The following PTPRE variants were observed in gnomAD, a reference collection of about 807,000 sequenced individuals.
The protein encoded by PTPRE is protein tyrosine phosphatase receptor type E, also known as receptor-type tyrosine-protein phosphatase epsilon.
PTPRE carries 51 observed loss-of-function variants against 102.0 expected under a neutral mutation model. The observed-to-expected ratio is 0.50, with a 90% confidence interval of 0.40 to 0.63. PTPRE has a LOEUF of 0.63. Ranked by LOEUF, PTPRE falls within the 30% of genes least tolerant of loss-of-function variation. The pLI, the probability that PTPRE is intolerant of heterozygous loss-of-function variation, is 0.00. For missense variants in PTPRE, 752 were observed against 915.1 expected (o/e 0.82, Z 2.30); for synonymous variants, 345 against 348.2 (o/e 0.99, Z 0.10).
intron 3 of PTPRE, among the ~76,000 whole-genome samples, chr10:128,047,037 C>G (rs1037338310): frequency 1.3e-5 from 2 of 152,224 alleles, no homozygotes; most frequent in Non-Finnish European, 2.9e-5. Flanking sequence ...CCCGCGCTGT[C>G]CTAGGACCCT....
rs145145334 is a variant in PTPRE, at chr10:127,914,057, G to A, written c.-31+6748G>A. ...GGGCAGGTACCTCATGATTACTAGCGCCATCCCTTTAGTGATGAGTGAGTT... is the reference window on the plus strand; with the variant it reads ...GGGCAGGTACCTCATGATTACTAGCACCATCCCTTTAGTGATGAGTGAGTT... On this transcript the variant is annotated intron_variant, in intron 1 of 20. Coordinates refer to ENST00000254667, the MANE Select transcript of PTPRE (RefSeq NM_006504.6). Among the ~76,000 whole-genome samples, 22 of 152,234 alleles carry A rather than the reference G, an allele frequency of 1.4e-4. No homozygotes were observed. In the East Asian group the frequency reaches 2.5e-3, roughly 17 times the overall value.
intron 1 of PTPRE, among the ~76,000 whole-genome samples, chr10:127,936,855 T>C (rs763296479): frequency 6.6e-6 from 1 of 152,100 alleles, no homozygotes; most frequent in Admixed American, 6.5e-5. Flanking sequence ...TGGAGGATGG[T>C]CTAGTTGGCA....
chr10:127,974,198 G>A (rs1047679922), intron 1 of PTPRE, among the ~76,000 whole-genome samples: 1 of 152,200 alleles, frequency 6.6e-6, no homozygotes, highest in Admixed American at 6.5e-5. Flanking sequence ...CAGGCTCACA[G>A]CAGTGATTTA....
rs767964656 is a variant in PTPRE at position 128,085,441 on chromosome 10, G to C, written c.*2535G>C. On this transcript the variant is annotated 3_prime_UTR_variant, in exon 21 of 21. Transcript: ENST00000254667. ...GATTAGAAGACGACCATTCTGATCT[G>C]TGTGTGATCTGGTCACTATGTGACT... 4 of 180,036 alleles carry C rather than the reference G, an allele frequency of 2.2e-5. No individual in the cohort carries two copies. In the Admixed American group the frequency reaches 2.3e-4, roughly 11 times the overall value. The allele number at this position is 180,036 out of a possible 1,614,324, so 11.2% of individuals were successfully genotyped here.
intron 11 of PTPRE, among the ~76,000 whole-genome samples, chr10:128,067,084 GCA>G (rs1248367539): frequency 6.9e-6 from 1 of 145,242 alleles, no homozygotes; most frequent in Non-Finnish European, 1.5e-5. Flanking sequence ...CCACACACAG[GCA>G]CACACATGCA....
chr10:127,997,515 GA>G (rs1253121205), intron 2 of PTPRE, among the ~76,000 whole-genome samples: 2 of 152,218 alleles, frequency 1.3e-5, no homozygotes, highest in Non-Finnish European at 1.5e-5. Context: ...ACTGAAGACT[GA>G]AAAGCAGAAT....
At chr10:128,082,440 C>T (rs1321244625) in intron 20 of PTPRE, among the ~76,000 whole-genome samples, 1 of 151,612 alleles carries the variant, frequency 6.6e-6, no homozygotes, top group Non-Finnish European at 1.5e-5. Flanking sequence ...GTCTGGAACT[C>T]CTGGGCTCAA....
chr10:128,079,639 G>C lies in PTPRE; in HGVS notation c.1972G>C (p.Val658Leu), dbSNP rs781521548. ...AGTAAAAGCCGAGGGACTTTTAGAT[G>C]TATTTCAAGCTGTGAAGAGTTTACG... is the stretch of plus-strand genomic sequence containing the variant. ...ERVKAEGLLD[V>L]FQAVKSLRLQ... Residue 658 changes from valine (V) to leucine (L), a missense_variant, in exon 20 of 21, where the codon GTA becomes CTA. Val to Leu is a conservative substitution (Grantham distance 32). Coordinates refer to ENST00000254667, the MANE Select transcript of PTPRE (RefSeq NM_006504.6). 1 of 1,614,098 alleles carries C rather than the reference G, an allele frequency of 6.2e-7. No individual in the cohort carries two copies. The highest frequency in any genetic ancestry group is 8.5e-7 in the Non-Finnish European group (1 of 1,179,916).
intron 17 of PTPRE, 116 bp downstream of exon 17, chr10:128,073,587 G>C: frequency 1.6e-6 from 2 of 1,277,050 alleles, no homozygotes; most frequent in Non-Finnish European, 2.1e-6. Flanking sequence ...GTGAGACCAA[G>C]CCAGGACCAC....
chr10:128,080,540 G>T (rs759363714), intron 20 of PTPRE, among the ~76,000 whole-genome samples: 1 of 152,214 alleles, frequency 6.6e-6, no homozygotes. Context: ...CTAAGCAGTA[G>T]CATACAGAGC....
chr10:128,058,595 C>T (rs2135928826), intron 7 of PTPRE, among the ~76,000 whole-genome samples: 1 of 152,326 alleles, frequency 6.6e-6, no homozygotes, highest in East Asian at 1.9e-4. Flanking sequence ...TGGCATCTGG[C>T]ATTAGCCATC....
chr10:128,036,900 G>A (rs1010624777), intron 2 of PTPRE, among the ~76,000 whole-genome samples: 7 of 152,146 alleles, frequency 4.6e-5, no homozygotes, highest in African/African-American at 9.7e-5. Flanking sequence ...GGTGATGCTC[G>A]GGCTCCTGGA....
chr10:128,069,940 G>T, intron 13 of PTPRE, 113 bp downstream of exon 13: 5 of 1,528,828 alleles, frequency 3.3e-6, no homozygotes, highest in Middle Eastern at 3.4e-4. Flanking sequence ...ACCAGCCTGG[G>T]CCTGGCCTGG....
At chr10:128,054,156 C>G (rs766895032) in intron 6 of PTPRE, among the ~76,000 whole-genome samples, 1 of 152,180 alleles carries the variant, frequency 6.6e-6, no homozygotes, top group Non-Finnish European at 1.5e-5. Context: ...CCTTCCTCCC[C>G]TGTGAGCAGT....
intron 2 of PTPRE, among the ~76,000 whole-genome samples, chr10:127,983,018 G>C (rs1029691574): frequency 6.6e-6 from 1 of 152,144 alleles, no homozygotes; most frequent in Non-Finnish European, 1.5e-5. Context: ...TGCTTTTAGC[G>C]GGCACCATGA....
At chr10:127,975,714 TTTAGCGTGTTCAGTTACCA>T (rs1489979884) in intron 1 of PTPRE, among the ~76,000 whole-genome samples, 11 of 152,214 alleles carry the variant, frequency 7.2e-5, no homozygotes, top group African/African-American at 2.7e-4. Context: ...GAAAAACATC[TTTAGCGTGTTCAGTTACCA>T]TTAGCGTCAG....
At chr10:128,064,952 G>T (rs572658482) in intron 10 of PTPRE, among the ~76,000 whole-genome samples, 2 of 152,198 alleles carry the variant, frequency 1.3e-5, no homozygotes, top group African/African-American at 4.8e-5. Context: ...GCCCTTGAGA[G>T]GCTGACACAT....
In PTPRE at chr10:128,070,330, A is replaced by G; in HGVS notation, c.1173A>G (p.Leu391=). 1.2e-6 allele frequency: 2 copies of G among 1,613,686 alleles called. No homozygotes were observed. The highest frequency in any genetic ancestry group is 1.7e-6 in the Non-Finnish European group (2 of 1,179,860). ...AGTACACGTTCATCTACCAAGCCTTACTCGAGTACTACCTCTACGGGGACA... is the reference window on the plus strand; with the variant it reads ...AGTACACGTTCATCTACCAAGCCTTGCTCGAGTACTACCTCTACGGGGACA... The part of the protein sequence containing the change: ...DMQYTFIYQA[L]LEYYLYGDTE... Residue 391 remains leucine (L), a synonymous_variant, in exon 14 of 21, where the codon TTA becomes TTG. Transcript: ENST00000254667. The surrounding 1 kb of genome is among the most constrained non-coding windows in gnomAD (Gnocchi z 4.8).
chr10:127,930,245 G>A (rs922621024), intron 1 of PTPRE, among the ~76,000 whole-genome samples: 1 of 149,308 alleles, frequency 6.7e-6, no homozygotes, highest in South Asian at 2.1e-4. Context: ...CCCTGCCCCC[G>A]AAAAAAAAAA....
Sources: gnomAD v4.1 joint callset for allele counts (sites outside exome capture counted in the v4.1 genomes callset) on GRCh38, gnomAD v4.1.1 for gene constraint, Gnocchi (gnomAD v3.1) non-coding constraint, MANE v1.5 for transcripts, NCBI Gene and HGNC (gene_info 2026-07-23, HGNC 2026-07-21) for gene names.